The following ASB5 variants were observed in gnomAD, a reference collection of about 807,000 sequenced individuals.
ASB5 encodes the protein ankyrin repeat and SOCS box protein 5.
In ASB5, 45 loss-of-function variants were observed where a neutral mutation model predicts 42.1. The ratio of observed to expected loss-of-function variants is 1.07; its 90% CI spans 0.84 to 1.37. ASB5 has a LOEUF of 1.37. ASB5 is among the 40% of genes most tolerant of loss of function. The pLI, the probability that ASB5 is intolerant of heterozygous loss-of-function variation, is 0.00. For missense variants in ASB5, 402 were observed against 399.8 expected (o/e 1.01, Z -0.05); for synonymous variants, 147 against 150.6 (o/e 0.98, Z 0.18).
intron 1 of ASB5, among the ~76,000 whole-genome samples, chr4:176,252,085 A>AAAG (rs1754051008): frequency 2.6e-4 from 8 of 30,430 alleles, no homozygotes; most frequent in African/African-American, 3.8e-4. Flanking sequence ...AAAAAAAAAG[A>AAAG]AAAAAAAAAA....
intron 5 of ASB5, 117 bp downstream of exon 5, chr4:176,221,038 G>A (rs1266587929): frequency 1.6e-6 from 2 of 1,275,906 alleles, no homozygotes; most frequent in Non-Finnish European, 2.1e-6. Flanking sequence ...GTGTGAAAAT[G>A]CTTAAAATAA....
chr4:176,273,400 G>A (rs546901879), upstream of ASB5, among the ~76,000 whole-genome samples: 2 of 151,960 alleles, frequency 1.3e-5, no homozygotes, highest in Non-Finnish European at 2.9e-5. Flanking sequence ...ATTCACTATT[G>A]CATTTAAAAC....
At position 176,221,568 on chromosome 4, in the gene ASB5, C is replaced by T. The variant is rs543749428; in HGVS notation, c.417G>A (p.Pro139=). The T allele has an allele frequency of 1.2e-5, 20 of 1,613,332 alleles. No individual in the cohort carries two copies. Among genetic ancestry groups the T allele is most frequent in the Admixed American group, 6.7e-5 (4 of 59,908 alleles). Residue 139 remains proline (P), a synonymous_variant, in exon 4 of 7, where the codon CCG becomes CCA. Coordinates refer to ENST00000296525, the MANE Select transcript of ASB5 (RefSeq NM_080874.4). The part of the protein sequence containing the change: ...VNAITIDGVT[P]LFNACSQGSP... ...TGCCTTGGGAGCATGCGTTGAATAA[C>T]GGAGTCACGCCATCTATCGTGATTG...
At chr4:176,232,506 C>A (rs1753575516) in intron 1 of ASB5, among the ~76,000 whole-genome samples, 1 of 152,082 alleles carries the variant, frequency 6.6e-6, no homozygotes, top group African/African-American at 2.4e-5. Context: ...TGCACAGACT[C>A]CCCTTCTAAG....
intron 1 of ASB5, among the ~76,000 whole-genome samples, chr4:176,231,700 T>C (rs1443390379): frequency 6.7e-6 from 1 of 150,032 alleles, no homozygotes; most frequent in Non-Finnish European, 1.5e-5. Flanking sequence ...AAAAATTATC[T>C]GGGCATGGTG....
At chr4:176,273,807 TAA>T (rs1449476875), upstream of ASB5, among the ~76,000 whole-genome samples, 2 of 152,244 alleles carry the variant, frequency 1.3e-5, no homozygotes, top group Admixed American at 6.5e-5. Context: ...TCTGCATATA[TAA>T]GAGTTTAAAA....
Position 176,269,062 on chromosome 4 carries a change from T to C in ASB5, c.47A>G (p.Asn16Ser). The change falls in exon 1 of 7, where the codon AAT becomes AGT. Residue 16 changes from asparagine (N) to serine (S), a missense_variant. Asn to Ser is a conservative substitution (Grantham distance 46, BLOSUM62 1). Transcript: ENST00000296525. ...ENRPFAQQLS[N>S]VYFTILSLFC... ...CAGCGAAAGTATTGTAAAGTAGACA[T>C]TGGATAATTGTTGAGCAAACGGCCG... The C allele has an allele frequency of 1.2e-6, 2 of 1,612,232 alleles. No individual in the cohort carries two copies. Among genetic ancestry groups the C allele is most frequent in the Non-Finnish European group, 1.7e-6 (2 of 1,179,158 alleles).
intron 1 of ASB5, among the ~76,000 whole-genome samples, chr4:176,249,977 A>G (rs1968855): frequency 0.63 from 94,346 of 150,616 alleles, 30,214 homozygotes; most frequent in Middle Eastern, 0.72. Flanking sequence ...AGGCAGGAGA[A>G]TGACATTAAC....
At chr4:176,220,050 A>G (rs1420554979) in intron 5 of ASB5, among the ~76,000 whole-genome samples, 2 of 152,110 alleles carry the variant, frequency 1.3e-5, no homozygotes, top group African/African-American at 2.4e-5. Context: ...CAAACCAAAA[A>G]CTTATAATGT....
chr4:176,216,062 A>AT (rs1579305026), intron 6 of ASB5, among the ~76,000 whole-genome samples: 1 of 152,232 alleles, frequency 6.6e-6, no homozygotes, highest in East Asian at 1.9e-4. Context: ...AAAAGGGGAA[A>AT]TTTTAAAATT....
At chr4:176,270,087 A>C (rs749700411), upstream of ASB5, among the ~76,000 whole-genome samples, 9 of 152,232 alleles carry the variant, frequency 5.9e-5, no homozygotes, top group Non-Finnish European at 1.2e-4. Context: ...TAGGCAACTT[A>C]TATTTTAAAA....
At chr4:176,233,506 T>C (rs560282591) in intron 1 of ASB5, among the ~76,000 whole-genome samples, 9 of 152,216 alleles carry the variant, frequency 5.9e-5, no homozygotes, top group Non-Finnish European at 1.3e-4. Context: ...TCTATTGGTT[T>C]AAACAGTGTT....
chr4:176,246,624 C>T (rs987564035), intron 1 of ASB5, among the ~76,000 whole-genome samples: 2 of 151,946 alleles, frequency 1.3e-5, no homozygotes, highest in Non-Finnish European at 2.9e-5. Context: ...TTTGCAGAAG[C>T]AAACTCTCCT....
chr4:176,239,786 A>C (rs542404343), intron 1 of ASB5, among the ~76,000 whole-genome samples: 2 of 152,332 alleles, frequency 1.3e-5, no homozygotes, highest in South Asian at 4.1e-4. Flanking sequence ...ACTCACACTT[A>C]CTGAACTGGG....
At chr4:176,225,179 T>A in intron 2 of ASB5, 83 bp downstream of exon 2, 1 of 1,129,380 alleles carries the variant, frequency 8.9e-7, no homozygotes, top group Non-Finnish European at 1.3e-6. Context: ...TAAGTGGTTT[T>A]ATCATATTTG....
rs1032357246 is a variant in ASB5 at position 176,213,856 on chromosome 4, T to C, written c.*1744A>G. Reference sequence around the variant, plus strand: ...ACTTCTCTTATTGGCACAAGACTAATAAGATAGATGGGTTGTATTACTCTT... The same window carrying C: ...ACTTCTCTTATTGGCACAAGACTAACAAGATAGATGGGTTGTATTACTCTT... On this transcript the variant is annotated 3_prime_UTR_variant, in exon 7 of 7. Transcript: ENST00000296525. The C allele has an allele frequency of 2.0e-5, 3 of 152,108 alleles. No individual in the cohort carries two copies. The highest frequency in any genetic ancestry group is 7.2e-5 in the African/African-American group (3 of 41,452). 9.4% of individuals were successfully genotyped at this position (152,108 alleles called of 1,614,324 possible).
intron 1 of ASB5, among the ~76,000 whole-genome samples, chr4:176,243,569 C>T (rs955416614): frequency 6.6e-5 from 10 of 151,912 alleles, no homozygotes; most frequent in African/African-American, 2.4e-4. Context: ...ATGGCACAAT[C>T]TCGGCTCACC....
At chr4:176,230,513 GTA>G (rs960219605) in intron 1 of ASB5, among the ~76,000 whole-genome samples, 2 of 152,060 alleles carry the variant, frequency 1.3e-5, no homozygotes, top group Non-Finnish European at 2.9e-5. Flanking sequence ...TTTGAACTCT[GTA>G]TTTATGTCCC....
At chr4:176,268,169 C>T (rs1237931123) in intron 1 of ASB5, among the ~76,000 whole-genome samples, 1 of 152,036 alleles carries the variant, frequency 6.6e-6, no homozygotes, top group African/African-American at 2.4e-5. Context: ...TTTAGAGTAC[C>T]GACCCAATAG....
Sources: allele counts gnomAD v4.1 joint callset (sites outside exome capture counted in the v4.1 genomes callset), GRCh38; gene constraint gnomAD v4.1.1; transcripts MANE v1.5; gene names NCBI Gene and HGNC (gene_info 2026-07-23, HGNC 2026-07-21).